Variants in PLXNA4 observed in about 807,000 individuals in gnomAD.
The protein encoded by PLXNA4 is plexin A4, also known as plexin-A4.
PLXNA4 carries 44 observed loss-of-function variants against 191.8 expected under a neutral mutation model. That is an observed-to-expected ratio of 0.23 (90% CI 0.18 to 0.29). The LOEUF (loss-of-function observed/expected upper bound fraction) is 0.29. Among genes scored for constraint, PLXNA4 ranks in the 10% least tolerant of loss-of-function variants. The pLI, the probability that PLXNA4 is intolerant of heterozygous loss-of-function variation, is 1.00. For missense variants in PLXNA4, 1,800 were observed against 2,488.8 expected (o/e 0.72, Z 5.89); for synonymous variants, 1,082 against 1,009.5 (o/e 1.07, Z -1.36).
At position 132,242,150 on chromosome 7, in the gene PLXNA4, TA is replaced by T. The variant is rs68135420; in HGVS notation, c.1504-985del. On this transcript the variant is annotated intron_variant, in intron 4 of 31. Coordinates refer to ENST00000321063, the MANE Select transcript of PLXNA4 (RefSeq NM_020911.2). ...TGCCGGTTTTTTTCTTTACAAAAAGTATTTTTTTTTTTTTAATTTTACATCA... is the reference window on the plus strand; with the variant it reads ...TGCCGGTTTTTTTCTTTACAAAAAGTTTTTTTTTTTTTTAATTTTACATCA... 4.4e-3 allele frequency among the ~76,000 whole-genome samples: 378 copies of T among 86,148 alleles called. 3 individuals are homozygous for T. The highest frequency in any genetic ancestry group is 0.016 in the South Asian group (44 of 2,820). 56.5% of individuals were successfully genotyped at this position (86,148 alleles called of 152,430 possible).
chr7:132,579,186 G>A (rs1802352563), upstream of PLXNA4, among the ~76,000 whole-genome samples: 1 of 152,080 alleles, frequency 6.6e-6, no homozygotes, highest in Non-Finnish European at 1.5e-5. Context: ...TTCCAGAAGT[G>A]ACAGCCCGGA....
chr7:132,563,363 C>A (rs1249415389), intron 1 of PLXNA4, among the ~76,000 whole-genome samples: 1 of 110,048 alleles, frequency 9.1e-6, no homozygotes, highest in Admixed American at 8.9e-5. Context: ...CCTCCTTCTC[C>A]TCCTCCTCCT....
At chr7:132,210,861 G>A (rs932752369) in intron 10 of PLXNA4, 82 bp downstream of exon 10, 7 of 1,469,204 alleles carry the variant, frequency 4.8e-6, no homozygotes, top group South Asian at 1.2e-5. Context: ...GCAGGGCTGA[G>A]CTGATTTGGC....
At chr7:132,467,859 T>C (rs1020773520) in intron 3 of PLXNA4, among the ~76,000 whole-genome samples, 3 of 152,198 alleles carry the variant, frequency 2.0e-5, no homozygotes, top group African/African-American at 7.2e-5. Context: ...ACACACTTCT[T>C]GGCTGTGGGA....
intron 4 of PLXNA4, among the ~76,000 whole-genome samples, chr7:132,291,228 C>G (rs894945649): frequency 2.0e-5 from 3 of 152,192 alleles, no homozygotes; most frequent in African/African-American, 7.2e-5. Flanking sequence ...ACGGTCCTCT[C>G]GCACCACTTC....
chr7:132,520,686 C>T (rs957517049), intron 1 of PLXNA4, among the ~76,000 whole-genome samples: 8 of 152,264 alleles, frequency 5.3e-5, no homozygotes, highest in African/African-American at 1.4e-4. Flanking sequence ...AAAACCAAGC[C>T]GAGAGTCCAT....
chr7:132,219,755 T>G (rs921016049), intron 9 of PLXNA4, among the ~76,000 whole-genome samples: 8 of 152,168 alleles, frequency 5.3e-5, no homozygotes, highest in East Asian at 1.9e-4. Context: ...ACTATATATA[T>G]AGAGCAGAAG....
Position 132,520,054 on chromosome 7 carries a change from C to T in PLXNA4, c.-86-11275G>A, listed in dbSNP as rs371392981. Among the ~76,000 whole-genome samples, 14 of 152,260 alleles carry T rather than the reference C, an allele frequency of 9.2e-5. No individual in the cohort carries two copies. In the South Asian group the frequency reaches 1.7e-3, roughly 18 times the overall value. Reference sequence around the variant, plus strand: ...TTTGTGGAGGTGCAGGGCAGAGCCACGTGATGTGATGATTACAACACCCAG... The same window carrying T: ...TTTGTGGAGGTGCAGGGCAGAGCCATGTGATGTGATGATTACAACACCCAG... On this transcript the variant is annotated intron_variant, in intron 1 of 31. Transcript: ENST00000321063.
At chr7:132,251,509 C>A (rs1034576254) in intron 4 of PLXNA4, among the ~76,000 whole-genome samples, 8 of 152,186 alleles carry the variant, frequency 5.3e-5, no homozygotes, top group African/African-American at 1.9e-4. Flanking sequence ...AGCTGGCTGG[C>A]ACTGGCTCCT....
At chr7:132,556,156 T>A (rs543502082) in intron 1 of PLXNA4, among the ~76,000 whole-genome samples, 2 of 152,358 alleles carry the variant, frequency 1.3e-5, no homozygotes, top group East Asian at 3.9e-4. Context: ...TTGTAAGAGT[T>A]ACTAAGTCAG....
chr7:132,249,594 C>T (rs916805860), intron 4 of PLXNA4, among the ~76,000 whole-genome samples: 2 of 152,190 alleles, frequency 1.3e-5, no homozygotes, highest in Admixed American at 6.5e-5. Flanking sequence ...AGCGGGAGAG[C>T]GATCCCCTTC....
At chr7:132,267,936 C>A (rs147744974) in intron 4 of PLXNA4, among the ~76,000 whole-genome samples, 3 of 152,132 alleles carry the variant, frequency 2.0e-5, no homozygotes, top group Non-Finnish European at 4.4e-5. Context: ...GCACTGCCAC[C>A]CAGAACAATA....
intron 1 of PLXNA4, among the ~76,000 whole-genome samples, chr7:132,539,842 TAG>T (rs1234123283): frequency 5.9e-5 from 9 of 152,224 alleles, no homozygotes; most frequent in African/African-American, 1.9e-4. Flanking sequence ...AGTGAAGGCT[TAG>T]AGAGTTTTTG....
chr7:132,256,899 G>A (rs1187136171), intron 4 of PLXNA4, among the ~76,000 whole-genome samples: 3 of 152,206 alleles, frequency 2.0e-5, no homozygotes, highest in Admixed American at 6.5e-5. Flanking sequence ...GTGGGGGTGA[G>A]CATAGAGATA....
At chr7:132,438,803 T>C (rs78854788) in intron 3 of PLXNA4, among the ~76,000 whole-genome samples, 1 of 152,246 alleles carries the variant, frequency 6.6e-6, no homozygotes, top group Non-Finnish European at 1.5e-5. Flanking sequence ...GCTTTTTTTT[T>C]CAATCATCCT....
chr7:132,155,559 C>T (rs73497372), intron 25 of PLXNA4, among the ~76,000 whole-genome samples: 3,410 of 152,250 alleles, frequency 0.022, 49 homozygotes, highest in Non-Finnish European at 0.034. Flanking sequence ...AGGTACCTAC[C>T]CTGCCCAGAT....
intron 5 of PLXNA4, among the ~76,000 whole-genome samples, chr7:132,237,982 G>A (rs966259522): frequency 3.3e-5 from 5 of 152,188 alleles, no homozygotes; most frequent in African/African-American, 1.2e-4. Flanking sequence ...ATGAACAAGT[G>A]TCCTCTTCAA....
At chr7:132,276,247 G>T (rs992429612) in intron 4 of PLXNA4, among the ~76,000 whole-genome samples, 17 of 152,238 alleles carry the variant, frequency 1.1e-4, no homozygotes, top group African/African-American at 2.6e-4. Flanking sequence ...TTCTAAAATT[G>T]TTCACACCCC....
At chr7:132,189,834 AG>A (rs1201845999) in intron 14 of PLXNA4, among the ~76,000 whole-genome samples, 1 of 152,144 alleles carries the variant, frequency 6.6e-6, no homozygotes, top group African/African-American at 2.4e-5. Context: ...ACTCTGTGTG[AG>A]GGATGGGGGT....
Sources: gnomAD v4.1 joint callset for allele counts (sites outside exome capture counted in the v4.1 genomes callset) on GRCh38, gnomAD v4.1.1 for gene constraint, MANE v1.5 for transcripts, NCBI Gene and HGNC (gene_info 2026-07-23, HGNC 2026-07-21) for gene names.